The following PCP4L1 variants were observed in gnomAD, a reference collection of about 807,000 sequenced individuals.
The protein encoded by PCP4L1 is Purkinje cell protein 4-like protein 1.
A neutral mutation model predicts 9.6 loss-of-function variants in PCP4L1; 9 were observed. The observed-to-expected ratio is 0.94, with a 90% CI of 0.57 to 1.64. PCP4L1 has a LOEUF of 1.64. Ranked by LOEUF, PCP4L1 falls within the 40% of genes most tolerant of loss-of-function variation. The probability of loss-of-function intolerance (pLI) is 0.00; values close to 1 mark genes in which losing one functional copy is unlikely to be tolerated. For synonymous variants in PCP4L1, 31 were observed against 28.2 expected (o/e 1.10, Z -0.31); for missense variants, 81 against 80.8 (o/e 1.00, Z -0.01).
rs549007176 is a variant in PCP4L1 at position 161,276,175 on chromosome 1, A to C, written c.10-7493A>C. ...AGGTGTCACCTCAGTAACTATTGGG[A>C]CATTTTATCGATTATGTGCAAAATT... On this transcript the variant is annotated intron_variant, in intron 1 of 2. Coordinates refer to ENST00000504449, the MANE Select transcript of PCP4L1 (RefSeq NM_001102566.2). Among the ~76,000 whole-genome samples, 5 of 152,262 alleles carry C rather than the reference A, an allele frequency of 3.3e-5. No individual in the cohort carries two copies. The South Asian group carries it at 1.0e-3, about 32-fold the overall frequency.
intron 1 of PCP4L1, among the ~76,000 whole-genome samples, chr1:161,282,297 G>T (rs1669835223): frequency 6.6e-6 from 1 of 151,998 alleles, no homozygotes; most frequent in African/African-American, 2.4e-5. Context: ...TGAGGCAGGA[G>T]AATCAGGCAG....
chr1:161,282,938 T>G (rs1669848091), intron 1 of PCP4L1, among the ~76,000 whole-genome samples: 1 of 152,198 alleles, frequency 6.6e-6, no homozygotes, highest in Non-Finnish European at 1.5e-5. Flanking sequence ...TTTTCTGCAA[T>G]AACCTCTTAA....
intron 1 of PCP4L1, among the ~76,000 whole-genome samples, chr1:161,279,507 T>C (rs1254786828): frequency 2.0e-5 from 3 of 152,212 alleles, no homozygotes; most frequent in Admixed American, 6.5e-5. Flanking sequence ...AACAGCATAA[T>C]CTACAGAACA....
intron 1 of PCP4L1, among the ~76,000 whole-genome samples, chr1:161,280,579 A>G (rs931519800): frequency 3.9e-5 from 6 of 152,024 alleles, no homozygotes; most frequent in Non-Finnish European, 5.9e-5. Context: ...GCCCATTACA[A>G]TCATGCCCTC....
At chr1:161,273,760 C>T (rs916105040) in intron 1 of PCP4L1, among the ~76,000 whole-genome samples, 6 of 152,164 alleles carry the variant, frequency 3.9e-5, no homozygotes, top group Admixed American at 1.3e-4. Context: ...GAGTGATAGG[C>T]GTGGTCTGGG....
intron 1 of PCP4L1, among the ~76,000 whole-genome samples, chr1:161,260,766 A>T (rs1396413833): frequency 2.6e-5 from 4 of 152,220 alleles, no homozygotes; most frequent in Non-Finnish European, 4.4e-5. Context: ...TCAGGGGCTC[A>T]GTAGAATGAT....
chr1:161,279,449 G>A (rs1669757343), intron 1 of PCP4L1, among the ~76,000 whole-genome samples: 1 of 152,202 alleles, frequency 6.6e-6, no homozygotes, highest in African/African-American at 2.4e-5. Flanking sequence ...ATAGAACAGT[G>A]CTGAACACAA....
At chr1:161,271,977 CTT>C (rs34495529) in intron 1 of PCP4L1, among the ~76,000 whole-genome samples, 5 of 135,804 alleles carry the variant, frequency 3.7e-5, no homozygotes, top group Admixed American at 7.5e-5. Context: ...TTGGACTAAC[CTT>C]TTTTTTTTTT....
intron 1 of PCP4L1, among the ~76,000 whole-genome samples, chr1:161,268,696 T>C (rs1384100955): frequency 1.3e-5 from 2 of 151,950 alleles, no homozygotes; most frequent in Admixed American, 6.6e-5. Context: ...ATTACAGGCA[T>C]GCACCACCAT....
intron 1 of PCP4L1, among the ~76,000 whole-genome samples, 173 bp downstream of exon 1, chr1:161,259,156 T>A (rs1459812578): frequency 2.6e-5 from 4 of 152,082 alleles, no homozygotes; most frequent in Non-Finnish European, 5.9e-5. Flanking sequence ...TGGGAAACGA[T>A]TGGAAGACGG....
At chr1:161,263,748 AT>A (rs1026212591) in intron 1 of PCP4L1, among the ~76,000 whole-genome samples, 2 of 150,194 alleles carry the variant, frequency 1.3e-5, no homozygotes, top group African/African-American at 4.9e-5. Flanking sequence ...TGCCTGCTTA[AT>A]TTTTTTTGTA....
At chr1:161,267,873 C>T (rs1020711393) in intron 1 of PCP4L1, among the ~76,000 whole-genome samples, 31 of 152,000 alleles carry the variant, frequency 2.0e-4, no homozygotes, top group African/African-American at 6.5e-4. Context: ...CCACCATGCC[C>T]GGCTAATTTT....
intron 1 of PCP4L1, among the ~76,000 whole-genome samples, chr1:161,274,784 G>C (rs117903819): frequency 6.6e-6 from 1 of 152,088 alleles, no homozygotes; most frequent in Non-Finnish European, 1.5e-5. Flanking sequence ...CCAGAAGAGT[G>C]TCCAGAGTGG....
At chr1:161,269,723 G>A (rs111900042) in intron 1 of PCP4L1, among the ~76,000 whole-genome samples, 2 of 152,344 alleles carry the variant, frequency 1.3e-5, no homozygotes, top group African/African-American at 4.8e-5. Context: ...TTTGGGCTGA[G>A]TGTGGTAGCT....
chr1:161,262,080 C>A (rs925409572), intron 1 of PCP4L1, among the ~76,000 whole-genome samples: 10 of 152,112 alleles, frequency 6.6e-5, no homozygotes, highest in African/African-American at 2.4e-4. Flanking sequence ...TGGTATGTTA[C>A]TTTTATTATG....
intron 1 of PCP4L1, among the ~76,000 whole-genome samples, chr1:161,271,930 C>T (rs1183268994): frequency 1.3e-5 from 2 of 151,984 alleles, no homozygotes; most frequent in South Asian, 2.1e-4. Flanking sequence ...ACCTCAGCCT[C>T]CCGAGTAGCT....
chr1:161,270,925 A>G (rs1026154086), intron 1 of PCP4L1, among the ~76,000 whole-genome samples: 4 of 151,584 alleles, frequency 2.6e-5, no homozygotes, highest in African/African-American at 9.7e-5. Context: ...CCCTTCTACC[A>G]TGTGAGGATA....
At chr1:161,281,795 C>T (rs1446059493) in intron 1 of PCP4L1, among the ~76,000 whole-genome samples, 2 of 24,992 alleles carry the variant, frequency 8.0e-5, no homozygotes, top group African/African-American at 4.5e-4. Context: ...GACGGGGCGG[C>T]GGGGCAGAGG....
intron 1 of PCP4L1, among the ~76,000 whole-genome samples, chr1:161,272,584 A>G (rs1350734502): frequency 6.6e-6 from 1 of 150,944 alleles, no homozygotes; most frequent in Non-Finnish European, 1.5e-5. Flanking sequence ...AAAAATTGGT[A>G]TTCCTCAATA....
Sources: allele counts gnomAD v4.1 joint callset (sites outside exome capture counted in the v4.1 genomes callset), GRCh38; gene constraint gnomAD v4.1.1; transcripts MANE v1.5; gene names NCBI Gene and HGNC (gene_info 2026-07-23, HGNC 2026-07-21).